Variants in COL18A1 observed in about 807,000 individuals in gnomAD.
COL18A1 encodes the protein collagen type XVIII alpha 1 chain.
A neutral mutation model predicts 168.0 loss-of-function variants in COL18A1; 133 were observed. The ratio of observed to expected loss-of-function variants is 0.79; its 90% CI spans 0.69 to 0.91. COL18A1 has a LOEUF of 0.91. Among genes scored for constraint, COL18A1 ranks in the 40% least tolerant of loss-of-function variants. The pLI is 0.00. For missense variants in COL18A1, 2,126 were observed against 1,925.4 expected (o/e 1.10, Z -1.95); for synonymous variants, 949 against 809.0 (o/e 1.17, Z -2.94).
chr21:45,493,586 G>T lies in COL18A1; in HGVS notation c.2352+11G>T. On this transcript the variant is annotated intron_variant, in intron 26 of 41. Transcript: ENST00000651438. The stretch of plus-strand genomic sequence containing the variant: ...CAGAAAGGAGCCAAGGTGAGGGCCG[G>T]GCAGCCTCCTTCCGGCAGGCGTGGG... 1 of 1,549,360 alleles carries T rather than the reference G, an allele frequency of 6.5e-7. No homozygotes were observed. The highest frequency in any genetic ancestry group is 8.7e-7 in the Non-Finnish European group (1 of 1,146,156).
At chr21:45,439,967 C>T (rs1345607911) in intron 2 of COL18A1, among the ~76,000 whole-genome samples, 2 of 152,226 alleles carry the variant, frequency 1.3e-5, no homozygotes, top group East Asian at 1.9e-4. Flanking sequence ...TCGGGCTGCG[C>T]GCTGGTGCCC....
Position 45,479,939 on chromosome 21 carries a change from G to C in COL18A1, c.1286G>C (p.Gly429Ala). The change falls in exon 10 of 42, where the codon GGG becomes GCG. Residue 429 changes from glycine (G) to alanine (A), a missense_variant. Physicochemically the swap from Gly to Ala is moderately conservative, Grantham distance 60. Coordinates refer to ENST00000651438, the MANE Select transcript of COL18A1 (RefSeq NM_001379500.1). ...TGPQGFPGTPGDVGPKGDKGD... is the reference protein window; with the variant it reads ...TGPQGFPGTPADVGPKGDKGD... ...CCACAAGGCTTCCCCGGGACTCCAG[G>C]GGACGTAGGTCCCAAGGGCGACAAG... is the stretch of plus-strand genomic sequence containing the variant. 1.9e-6 allele frequency: 3 copies of C among 1,613,844 alleles called. No individual in the cohort carries two copies. Among genetic ancestry groups the C allele is most frequent in the Non-Finnish European group, 2.5e-6 (3 of 1,179,944 alleles).
intron 39 of COL18A1, 31 bp from the exon 40 acceptor site, chr21:45,510,033 C>T (rs752041812): frequency 9.1e-6 from 14 of 1,538,318 alleles, no homozygotes; most frequent in Non-Finnish European, 1.2e-5. Flanking sequence ...CAGCGTGGGA[C>T]ACAGCCCGTG....
At position 45,486,729 on chromosome 21, in the gene COL18A1, G is replaced by A. The variant is rs79940545; in HGVS notation, c.1702-132G>A. On this transcript the variant is annotated intron_variant, in intron 15 of 41. Transcript: ENST00000651438. Reference sequence around the variant, plus strand: ...GAAAGGCTGCTGTGGGGCCTGCGTTGCTTGGCAGAATGTTCCTTACCTTTT... The same window carrying A: ...GAAAGGCTGCTGTGGGGCCTGCGTTACTTGGCAGAATGTTCCTTACCTTTT... The A allele has an allele frequency of 8.7e-4, 871 of 1,006,342 alleles. 6 individuals carry two copies. The African/African-American group carries it at 0.012, about 14-fold the overall frequency. 62.3% of individuals were successfully genotyped at this position (1,006,342 alleles called of 1,614,324 possible).
intron 18 of COL18A1, 89 bp downstream of exon 18, chr21:45,488,533 G>A (rs1013708723): frequency 1.3e-5 from 20 of 1,589,022 alleles, no homozygotes; most frequent in African/African-American, 5.4e-5. Context: ...GCCTTGCCTC[G>A]GGTTTTCTGA....
At chr21:45,458,201 G>A in intron 2 of COL18A1, among the ~76,000 whole-genome samples, 1 of 151,868 alleles carries the variant, frequency 6.6e-6, no homozygotes, top group Non-Finnish European at 1.5e-5. Flanking sequence ...GCAGGAGTGG[G>A]GGCCCTTGTG....
Position 45,513,530 on chromosome 21 carries a change from TC to T in COL18A1, c.*1134del, listed in dbSNP as rs1195351803. 1 of 132,114 alleles carries T rather than the reference TC, an allele frequency of 7.6e-6. No homozygotes were observed. The highest frequency in any genetic ancestry group is 3.2e-5 in the African/African-American group (1 of 31,228). The allele number at this position is 132,114 out of a possible 1,614,324, so 8.2% of individuals were successfully genotyped here. ...CTGTCAGTCACAGCCACCCCTGAGA[TC>T]CGGCAACATCAACCCGAGTCATTCG... is the stretch of plus-strand genomic sequence containing the variant. On this transcript the variant is annotated 3_prime_UTR_variant, in exon 42 of 42. Coordinates refer to ENST00000651438, the MANE Select transcript of COL18A1 (RefSeq NM_001379500.1).
rs750465152 is a variant in COL18A1 at position 45,480,137 on chromosome 21, C to A, written c.1379C>A (p.Ser460Tyr). ...PQGPPGPPGP[S>Y]FRHDKLTFID... Reference sequence around the variant, plus strand: ...GGGCCTCCAGGGCCCCCAGGACCCTCCTTCAGACACGACAAGCTGGTAAGT... The same window carrying A: ...GGGCCTCCAGGGCCCCCAGGACCCTACTTCAGACACGACAAGCTGGTAAGT... The change falls in exon 11 of 42, where the codon TCC (serine) becomes TAC (tyrosine). Residue 460 changes from serine (S) to tyrosine (Y), a missense_variant. Coordinates refer to ENST00000651438, the MANE Select transcript of COL18A1 (RefSeq NM_001379500.1). The A allele has an allele frequency of 3.2e-5, 51 of 1,588,694 alleles. No homozygotes were observed. The highest frequency in any genetic ancestry group is 4.1e-5 in the Non-Finnish European group (48 of 1,157,868).
In COL18A1 at chr21:45,497,583, GTC is replaced by G. The variant is rs981358010; in HGVS notation, c.2621-10_2621-9del. On this transcript the variant is annotated splice_polypyrimidine_tract_variant and intron_variant, in intron 31 of 41. Coordinates refer to ENST00000651438, the MANE Select transcript of COL18A1 (RefSeq NM_001379500.1). ...CTGGCACATTCCTGATGGGCACTGGGTCTCTCTTCCTCCAGGGAATCAGGGCC... is the reference window on the plus strand; with the variant it reads ...CTGGCACATTCCTGATGGGCACTGGGTCTCTTCCTCCAGGGAATCAGGGCC... 6.4e-7 allele frequency: 1 copy of G among 1,555,970 alleles called. No homozygotes were observed. Among genetic ancestry groups the G allele is most frequent in the Non-Finnish European group, 8.7e-7 (1 of 1,150,156 alleles).
chr21:45,504,667 C>T, intron 34 of COL18A1, 111 bp downstream of exon 34: 1 of 919,096 alleles, frequency 1.1e-6, no homozygotes, highest in South Asian at 1.5e-5. Context: ...GCTGCCCCTG[C>T]AAGCTCAGCA....
intron 2 of COL18A1, among the ~76,000 whole-genome samples, chr21:45,438,290 G>A (rs1375700338): frequency 1.2e-5 from 1 of 84,542 alleles, no homozygotes; most frequent in Admixed American, 1.2e-4. Flanking sequence ...GCACTCTCCT[G>A]CACACACACA....
At chr21:45,405,501 C>T in intron 2 of COL18A1, 28 bp downstream of exon 2, 2 of 1,286,160 alleles carry the variant, frequency 1.6e-6, no homozygotes, top group Non-Finnish European at 2.0e-6. Context: ...CGGGAAGGTT[C>T]GCGCCGGTGC....
chr21:45,427,093 A>G (rs2033826777), intron 2 of COL18A1, among the ~76,000 whole-genome samples: 1 of 152,150 alleles, frequency 6.6e-6, no homozygotes. Flanking sequence ...GCTGCAGTTT[A>G]AAAAGCCGGG....
At chr21:45,478,409 C>G in intron 9 of COL18A1, 56 bp downstream of exon 9, 1 of 1,612,970 alleles carries the variant, frequency 6.2e-7, no homozygotes, top group Non-Finnish European at 8.5e-7. Context: ...GCTTAGACCC[C>G]AGGGCTTTGT....
intron 13 of COL18A1, 42 bp downstream of exon 13, chr21:45,480,900 C>T (rs374307066): frequency 1.3e-6 from 2 of 1,579,346 alleles, no homozygotes; most frequent in Non-Finnish European, 8.6e-7. Flanking sequence ...GCCCTGTCTG[C>T]TGGGAGTGAG....
rs1008426383 is a variant in COL18A1, at chr21:45,473,048, T to C, written c.652-847T>C. On this transcript the variant is annotated intron_variant, in intron 3 of 41. Coordinates refer to ENST00000651438, the MANE Select transcript of COL18A1 (RefSeq NM_001379500.1). This position sits in a 1 kb window ranked among gnomAD's most constrained non-coding sequence, Gnocchi z 4.0. Reference sequence around the variant, plus strand: ...CTAGGCCAGGATGCAGAACCCGCAGTGCGGCCAGTGGAGCCCCTGGTACTG... The same window carrying C: ...CTAGGCCAGGATGCAGAACCCGCAGCGCGGCCAGTGGAGCCCCTGGTACTG... Among the ~76,000 whole-genome samples the C allele has an allele frequency of 3.3e-5, 5 of 152,240 alleles. No individual in the cohort carries two copies. The highest frequency in any genetic ancestry group is 7.3e-5 in the Non-Finnish European group (5 of 68,034).
rs551207794 is a variant in COL18A1 at position 45,470,032 on chromosome 21, G to A, written c.651+1246G>A. 6.6e-5 allele frequency among the ~76,000 whole-genome samples: 10 copies of A among 152,368 alleles called. 1 individual carries two copies. In the South Asian group the frequency reaches 2.1e-3, roughly 32 times the overall value. On this transcript the variant is annotated intron_variant, in intron 3 of 41. Transcript: ENST00000651438. ...TGGTGGAATAAAGTGGCCCACAAGTGCCGTACATCTTTAACACTGTTAGGA... is the reference window on the plus strand; with the variant it reads ...TGGTGGAATAAAGTGGCCCACAAGTACCGTACATCTTTAACACTGTTAGGA...
In COL18A1 at chr21:45,457,029, G is replaced by C. The variant is rs1317181509; in HGVS notation, c.107-11213G>C. On this transcript the variant is annotated intron_variant, in intron 2 of 41. Coordinates refer to ENST00000651438, the MANE Select transcript of COL18A1 (RefSeq NM_001379500.1). The surrounding 1 kb of genome is among the most constrained non-coding windows in gnomAD (Gnocchi z 4.6). ...TGGCCCTCGGGAGGTGGGAGAGCTG[G>C]GAGTGAGGCCTCCTGTGTGGGGAGG... 1.4e-5 allele frequency: 9 copies of C among 642,560 alleles called. No individual in the cohort carries two copies. The highest frequency in any genetic ancestry group is 1.9e-5 in the Non-Finnish European group (8 of 415,742). 39.8% of individuals were successfully genotyped at this position (642,560 alleles called of 1,614,324 possible).
intron 6 of COL18A1, among the ~76,000 whole-genome samples, chr21:45,476,683 G>A (rs1258472111): frequency 6.9e-6 from 1 of 143,900 alleles, no homozygotes; most frequent in East Asian, 2.0e-4. Context: ...GTGCATGTTT[G>A]TGACATGTGT....
Sources: gnomAD v4.1 joint callset for allele counts (sites outside exome capture counted in the v4.1 genomes callset) on GRCh38, gnomAD v4.1.1 for gene constraint, Gnocchi (gnomAD v3.1) non-coding constraint, MANE v1.5 for transcripts, NCBI Gene and HGNC (gene_info 2026-07-23, HGNC 2026-07-21) for gene names.